Variants in DCC observed in about 807,000 individuals in gnomAD.
DCC encodes the protein DCC netrin 1 receptor, also known as netrin receptor DCC.
Under a neutral mutation model 172.5 loss-of-function variants are expected in DCC, and 58 were observed. The observed-to-expected ratio is 0.34, with a 90% CI of 0.27 to 0.42. The LOEUF (loss-of-function observed/expected upper bound fraction) is 0.42, where lower values mean the gene tolerates loss of function less well. Among genes scored for constraint, DCC ranks in the 10% least tolerant of loss-of-function variants. The pLI is 1.00. For synonymous variants in DCC, 709 were observed against 644.5 expected, an observed-to-expected ratio of 1.10 and a Z score of -1.52; for missense variants, 1,740 against 1,791.0, an observed-to-expected ratio of 0.97 and a Z score of 0.51.
chr18:53,256,227 A>T (rs1400022311), intron 12 of DCC, among the ~76,000 whole-genome samples: 2 of 152,110 alleles, frequency 1.3e-5, no homozygotes, highest in Admixed American at 1.3e-4. Flanking sequence ...ATTAGATCCC[A>T]TTTGTCAATT....
chr18:52,949,954 AG>A (rs890952960), intron 5 of DCC, among the ~76,000 whole-genome samples: 2 of 152,228 alleles, frequency 1.3e-5, no homozygotes, highest in Admixed American at 6.5e-5. Flanking sequence ...TACAGTAGTC[AG>A]GGACATCTCA....
At chr18:53,008,579 A>C (rs957387076) in intron 5 of DCC, among the ~76,000 whole-genome samples, 1 of 152,076 alleles carries the variant, frequency 6.6e-6, no homozygotes, top group Non-Finnish European at 1.5e-5. Context: ...AATATTACAT[A>C]AGTGTAAAAT....
At chr18:52,893,941 GA>G (rs1164035371) in intron 2 of DCC, among the ~76,000 whole-genome samples, 1 of 152,004 alleles carries the variant, frequency 6.6e-6, no homozygotes, top group Admixed American at 6.6e-5. Context: ...TTATGAAGGA[GA>G]AAAAACATAA....
intron 2 of DCC, among the ~76,000 whole-genome samples, chr18:52,844,295 G>A (rs1166463592): frequency 7.0e-6 from 1 of 142,696 alleles, no homozygotes; most frequent in Non-Finnish European, 1.5e-5. Context: ...ATGATTGATT[G>A]ATAGATAGGT....
At chr18:52,413,972 A>C (rs934122704) in intron 1 of DCC, among the ~76,000 whole-genome samples, 2 of 152,164 alleles carry the variant, frequency 1.3e-5, no homozygotes, top group African/African-American at 2.4e-5. Flanking sequence ...ATGCTTAAAA[A>C]TAGCTATTTG....
rs114674489 is a variant in DCC at position 53,211,031 on chromosome 18, C to G, written c.1861+3214C>G. On this transcript the variant is annotated intron_variant, in intron 11 of 28. Coordinates refer to ENST00000442544, the MANE Select transcript of DCC (RefSeq NM_005215.4). Reference sequence around the variant, plus strand: ...GCCAATTTGTTCCAAAATACTGTCTCTTGCACTAGTTGGTAAGTCACTAAG... The same window carrying G: ...GCCAATTTGTTCCAAAATACTGTCTGTTGCACTAGTTGGTAAGTCACTAAG... Among the ~76,000 whole-genome samples, 372 of 152,182 alleles carry G rather than the reference C, an allele frequency of 2.4e-3. 1 individual carries two copies. The highest frequency in any genetic ancestry group is 8.5e-3 in the African/African-American group (355 of 41,530).
intron 12 of DCC, among the ~76,000 whole-genome samples, chr18:53,228,848 C>T (rs1038315566): frequency 1.3e-5 from 2 of 152,136 alleles, no homozygotes; most frequent in African/African-American, 4.8e-5. Flanking sequence ...TCCCCTAACA[C>T]ACACTCTTCT....
intron 13 of DCC, among the ~76,000 whole-genome samples, chr18:53,306,471 A>G (rs1232543159): frequency 6.6e-6 from 1 of 152,216 alleles, no homozygotes; most frequent in African/African-American, 2.4e-5. Flanking sequence ...TACATTATCC[A>G]TCTGTGGTGG....
chr18:52,611,217 G>A (rs909875128), intron 1 of DCC, among the ~76,000 whole-genome samples: 13 of 151,942 alleles, frequency 8.6e-5, no homozygotes, highest in Non-Finnish European at 1.6e-4. Context: ...TCCCAGGTGT[G>A]TGCCTATACC....
rs897680255 is a variant in DCC at position 52,923,956 on chromosome 18, G to T, written c.848+99G>T. On this transcript the variant is annotated intron_variant, in intron 4 of 28. Transcript: ENST00000442544. ...TTGATATAAGTACCTACAGTACTAG[G>T]GTTTTTCATAATAATTGAATATTTT... The T allele has an allele frequency of 1.2e-5, 10 of 864,250 alleles. No homozygotes were observed. The African/African-American group carries it at 1.7e-4, about 15-fold the overall frequency. The allele number at this position is 864,250 out of a possible 1,614,324, so 53.5% of individuals were successfully genotyped here.
intron 1 of DCC, among the ~76,000 whole-genome samples, chr18:52,502,624 G>T (rs2031070397): frequency 2.0e-5 from 3 of 152,124 alleles, no homozygotes; most frequent in African/African-American, 7.2e-5. Context: ...CATGCCTATA[G>T]AAATAGCAGG....
chr18:52,967,893 A>T (rs752720410), intron 5 of DCC, among the ~76,000 whole-genome samples: 1 of 152,178 alleles, frequency 6.6e-6, no homozygotes, highest in Non-Finnish European at 1.5e-5. Flanking sequence ...TGGATAATGG[A>T]TGATGTAATA....
intron 2 of DCC, among the ~76,000 whole-genome samples, chr18:52,759,526 A>T (rs1274480722): frequency 6.6e-6 from 1 of 152,168 alleles, no homozygotes; most frequent in South Asian, 2.1e-4. Flanking sequence ...CTGTTCTTTT[A>T]TTCAACTCTT....
At chr18:53,131,953 ATTTTTTTTTTTTTTTTT>A (rs71175556) in intron 7 of DCC, among the ~76,000 whole-genome samples, 1 of 58,260 alleles carries the variant, frequency 1.7e-5, no homozygotes, top group Admixed American at 2.9e-4. Flanking sequence ...TCTCTAAGTG[ATTTTTTTTTTTTTTTTT>A]TTTTTTTTTT....
intron 12 of DCC, among the ~76,000 whole-genome samples, chr18:53,284,110 C>T (rs574903079): frequency 6.6e-6 from 1 of 152,016 alleles, no homozygotes; most frequent in African/African-American, 2.4e-5. Context: ...TTTTACTAAC[C>T]CCTACCTGCA....
intron 9 of DCC, among the ~76,000 whole-genome samples, chr18:53,203,027 A>G (rs1028755117): frequency 6.6e-6 from 1 of 152,184 alleles, no homozygotes; most frequent in African/African-American, 2.4e-5. Context: ...ATTATTGGTC[A>G]GTTGCCAAAA....
intron 1 of DCC, among the ~76,000 whole-genome samples, chr18:52,410,912 A>G (rs1598796304): frequency 6.6e-6 from 1 of 152,304 alleles, no homozygotes; most frequent in East Asian, 1.9e-4. Flanking sequence ...GACAACTTTT[A>G]GAAAAATCTC....
At chr18:52,698,331 T>C (rs2036046824) in intron 1 of DCC, among the ~76,000 whole-genome samples, 3 of 152,224 alleles carry the variant, frequency 2.0e-5, no homozygotes, top group Admixed American at 6.5e-5. Context: ...TCTCTTTGCT[T>C]CTTTAACTTT....
At chr18:52,595,097 G>T (rs1267392583) in intron 1 of DCC, among the ~76,000 whole-genome samples, 2 of 152,110 alleles carry the variant, frequency 1.3e-5, no homozygotes, top group Admixed American at 6.6e-5. Context: ...TCTCATACTG[G>T]ATCATCCTGC....
Sources: gnomAD v4.1 joint callset for allele counts (sites outside exome capture counted in the v4.1 genomes callset) on GRCh38, gnomAD v4.1.1 for gene constraint, MANE v1.5 for transcripts, NCBI Gene and HGNC (gene_info 2026-07-23, HGNC 2026-07-21) for gene names.